NDST3: variants seen among roughly 807,000 people sequenced by gnomAD.
The protein encoded by NDST3 is N-deacetylase and N-sulfotransferase 3.
A neutral mutation model predicts 96.1 loss-of-function variants in NDST3; 58 were observed. That is an observed-to-expected ratio of 0.60 (90% CI 0.49 to 0.75). The LOEUF (loss-of-function observed/expected upper bound fraction) is 0.75. Ranked by LOEUF, NDST3 falls within the 30% of genes least tolerant of loss-of-function variation. The pLI is 0.00. For synonymous variants in NDST3, 333 were observed against 359.7 expected (o/e 0.93, Z 0.84); for missense variants, 788 against 1,034.2 (o/e 0.76, Z 3.27).
At chr4:118,120,396 C>G (rs1358009704) in intron 4 of NDST3, among the ~76,000 whole-genome samples, 2 of 152,074 alleles carry the variant, frequency 1.3e-5, no homozygotes. Flanking sequence ...TAAGGCAAGA[C>G]AGGGTAAGCA....
Position 118,087,273 on chromosome 4 carries a change from T to C in NDST3, c.982-17745T>C, listed in dbSNP as rs539847547. On this transcript the variant is annotated intron_variant, in intron 2 of 13. Coordinates refer to ENST00000296499, the MANE Select transcript of NDST3 (RefSeq NM_004784.3). ...AAAAGGACAATGTAACTTTTATGTT[T>C]GTGTAATTGCTTATAATTCTCAAAA... Among the ~76,000 whole-genome samples, 195 of 152,322 alleles carry C rather than the reference T, an allele frequency of 1.3e-3. 3 individuals are homozygous for C. The highest frequency in any genetic ancestry group is 4.6e-3 in the African/African-American group (190 of 41,590).
chr4:118,089,681 G>GC (rs1728713664), intron 2 of NDST3, among the ~76,000 whole-genome samples: 1 of 151,924 alleles, frequency 6.6e-6, no homozygotes, highest in Non-Finnish European at 1.5e-5. Context: ...ATATTTGAAT[G>GC]CCCCACACCA....
Position 118,098,678 on chromosome 4 carries a change from C to T in NDST3, c.982-6340C>T, listed in dbSNP as rs534574202. 7.9e-5 allele frequency among the ~76,000 whole-genome samples: 12 copies of T among 152,122 alleles called. No homozygotes were observed. The East Asian group carries it at 9.7e-4, about 12-fold the overall frequency. On this transcript the variant is annotated intron_variant, in intron 2 of 13. Coordinates refer to ENST00000296499, the MANE Select transcript of NDST3 (RefSeq NM_004784.3). ...ACTCTTTTCTCTGCTTTCACACAAACCTTTGTCCTTACTCTGTTATTACAA... is the reference window on the plus strand; with the variant it reads ...ACTCTTTTCTCTGCTTTCACACAAATCTTTGTCCTTACTCTGTTATTACAA...
intron 6 of NDST3, among the ~76,000 whole-genome samples, chr4:118,174,223 G>A (rs1442904260): frequency 1.3e-5 from 2 of 152,190 alleles, no homozygotes; most frequent in Non-Finnish European, 2.9e-5. Flanking sequence ...TTTGGAGACA[G>A]TCTCAGAGAG....
chr4:118,106,939 C>T (rs1020597224), intron 3 of NDST3, among the ~76,000 whole-genome samples: 4 of 151,972 alleles, frequency 2.6e-5, no homozygotes, highest in Admixed American at 2.6e-4. Context: ...AAATACAAAA[C>T]ATTAGCCAGG....
At chr4:118,165,983 T>A (rs1178469885) in intron 6 of NDST3, among the ~76,000 whole-genome samples, 1 of 151,038 alleles carries the variant, frequency 6.6e-6, no homozygotes, top group Admixed American at 6.6e-5. Flanking sequence ...AATAAATAGT[T>A]TAATTCTACC....
At position 118,242,115 on chromosome 4, in the gene NDST3, G is replaced by C. The variant is rs1440605170; in HGVS notation, c.2365G>C (p.Val789Leu). ...GGATGAAGTACAGAAGTTTCTAGGA[G>C]TCTTGCCTCATTATAATTACTCAGA... ...VMDEVQKFLGVLPHYNYSEAL... is the reference protein window; with the variant it reads ...VMDEVQKFLGLLPHYNYSEAL... Residue 789 changes from valine to leucine, a missense_variant, in exon 12 of 14, where the codon GTC becomes CTC. Transcript: ENST00000296499. 5 of 1,611,122 alleles carry C rather than the reference G, an allele frequency of 3.1e-6. No homozygotes were observed. The highest frequency in any genetic ancestry group is 1.7e-5 in the Admixed American group (1 of 59,946).
At chr4:118,053,052 G>A (rs1725174056) in intron 1 of NDST3, among the ~76,000 whole-genome samples, 1 of 151,968 alleles carries the variant, frequency 6.6e-6, no homozygotes, top group Non-Finnish European at 1.5e-5. Context: ...TTCTCCAAGA[G>A]TATATGGTTC....
intron 8 of NDST3, among the ~76,000 whole-genome samples, chr4:118,232,480 A>G (rs924169518): frequency 3.9e-5 from 6 of 151,994 alleles, no homozygotes; most frequent in Non-Finnish European, 5.9e-5. Context: ...AAATTTAAAA[A>G]AAATTAAAAA....
At chr4:118,219,037 G>A (rs566387907) in intron 6 of NDST3, among the ~76,000 whole-genome samples, 3 of 152,112 alleles carry the variant, frequency 2.0e-5, no homozygotes, top group Admixed American at 1.3e-4. Flanking sequence ...GGAAATCAGA[G>A]GGGACACCAG....
chr4:118,152,772 GTTAA>G (rs1734484281), intron 6 of NDST3, among the ~76,000 whole-genome samples: 2 of 152,132 alleles, frequency 1.3e-5, no homozygotes, highest in African/African-American at 4.8e-5. Flanking sequence ...TTCTGCAGTA[GTTAA>G]TTAATCTTAC....
At chr4:118,083,866 T>C (rs934074635) in intron 2 of NDST3, among the ~76,000 whole-genome samples, 2 of 152,168 alleles carry the variant, frequency 1.3e-5, no homozygotes, top group African/African-American at 4.8e-5. Flanking sequence ...GCCTTTACAA[T>C]TTTTAACCAT....
intron 4 of NDST3, among the ~76,000 whole-genome samples, chr4:118,123,163 C>T (rs1034571658): frequency 6.6e-6 from 1 of 152,130 alleles, no homozygotes; most frequent in African/African-American, 2.4e-5. Flanking sequence ...CTTGTGTTTG[C>T]GATCTCAGTG....
intron 9 of NDST3, among the ~76,000 whole-genome samples, chr4:118,234,937 G>A (rs184014430): frequency 1.0e-3 from 159 of 151,984 alleles, no homozygotes; most frequent in Non-Finnish European, 1.6e-3. Context: ...GGATGAAGCA[G>A]GAGAATCACT....
chr4:118,129,940 C>A (rs1156440793), intron 4 of NDST3, among the ~76,000 whole-genome samples: 1 of 151,914 alleles, frequency 6.6e-6, no homozygotes, highest in Non-Finnish European at 1.5e-5. Flanking sequence ...TATATAGTGA[C>A]CTTCTTTGTC....
At chr4:118,252,689 G>C (rs781695865) in intron 12 of NDST3, among the ~76,000 whole-genome samples, 16 of 152,166 alleles carry the variant, frequency 1.1e-4, no homozygotes, top group Non-Finnish European at 1.8e-4. Context: ...TCAGGAGTTT[G>C]AGACCAGCCT....
intron 2 of NDST3, among the ~76,000 whole-genome samples, chr4:118,101,270 A>C (rs1287274513): frequency 6.6e-6 from 1 of 151,924 alleles, no homozygotes; most frequent in Non-Finnish European, 1.5e-5. Context: ...CATTTTGCTC[A>C]GTTCTCAGAA....
At chr4:118,187,584 G>C (rs1375366050) in intron 6 of NDST3, among the ~76,000 whole-genome samples, 1 of 152,178 alleles carries the variant, frequency 6.6e-6, no homozygotes, top group African/African-American at 2.4e-5. Flanking sequence ...AAGTTTGGCT[G>C]CGAAATCTTC....
At chr4:118,090,369 AG>A (rs1212823414) in intron 2 of NDST3, among the ~76,000 whole-genome samples, 2 of 152,002 alleles carry the variant, frequency 1.3e-5, no homozygotes, top group African/African-American at 4.8e-5. Context: ...AACAGTTGAA[AG>A]GCTCATTCTA....
Sources: allele counts gnomAD v4.1 joint callset (sites outside exome capture counted in the v4.1 genomes callset), GRCh38; gene constraint gnomAD v4.1.1; transcripts MANE v1.5; gene names NCBI Gene and HGNC (gene_info 2026-07-23, HGNC 2026-07-21).